The following HMGXB4 variants were observed in gnomAD, a reference collection of about 807,000 sequenced individuals.
HMGXB4 encodes the protein HMG-box containing 4, also known as HMG domain-containing protein 4.
HMGXB4 carries 27 observed loss-of-function variants against 63.9 expected under a neutral mutation model. The observed-to-expected ratio is 0.42, with a 90% CI of 0.31 to 0.58. The LOEUF is 0.58. HMGXB4 is among the 20% of genes least tolerant of loss of function. HMGXB4 has a pLI of 0.13. For synonymous variants in HMGXB4, 264 were observed against 265.3 expected, an observed-to-expected ratio of 0.99 and a Z score of 0.05; for missense variants, 624 against 700.7, an observed-to-expected ratio of 0.89 and a Z score of 1.24.
chr22:35,248,446 A>C, the HMGXB4 span, among the ~76,000 whole-genome samples: 1 of 136,162 alleles, frequency 7.3e-6, no homozygotes, highest in Admixed American at 8.5e-5. Flanking sequence ...TCGCTCCGTC[A>C]CCCAGGCTGA....
At chr22:35,292,756 G>T (rs1294037242) in intron 9 of HMGXB4, among the ~76,000 whole-genome samples, 1 of 152,190 alleles carries the variant, frequency 6.6e-6, no homozygotes, top group African/African-American at 2.4e-5. Context: ...ACTCCCCAAG[G>T]TCACTCAGAA....
intron 1 of HMGXB4, among the ~76,000 whole-genome samples, chr22:35,261,469 T>C (rs928506005): frequency 9.9e-5 from 15 of 151,290 alleles, no homozygotes; most frequent in Middle Eastern, 3.5e-3. Flanking sequence ...TACCTTACAG[T>C]GCATTTTATA....
chr22:35,288,447 A>G (rs762167677), intron 9 of HMGXB4, 40 bp downstream of exon 9: 1 of 1,454,588 alleles, frequency 6.9e-7, no homozygotes, highest in Non-Finnish European at 9.2e-7. Context: ...AGTTTCCCAT[A>G]TAGTTTCCCA....
At chr22:35,245,262 A>G in the HMGXB4 span, among the ~76,000 whole-genome samples, 1 of 146,282 alleles carries the variant, frequency 6.8e-6, no homozygotes, top group Non-Finnish European at 1.5e-5. Context: ...GAGCTCATCC[A>G]TTGGGTTTTT....
intron 6 of HMGXB4, among the ~76,000 whole-genome samples, chr22:35,285,106 C>A (rs1400799167): frequency 6.6e-6 from 1 of 152,124 alleles, no homozygotes; most frequent in African/African-American, 2.4e-5. Context: ...ATTGTGGGAT[C>A]AAATTAAAGA....
At position 35,288,266 on chromosome 22, in the gene HMGXB4, G is replaced by A; in HGVS notation, c.1497G>A (p.Gln499=). The change falls in exon 9 of 11, where the codon CAG becomes CAA. Residue 499 remains glutamine (Q), a synonymous_variant. Transcript: ENST00000216106. ...CTTCTGTAGGAGTACTGTCACCCCA[G>A]AAGAAGTCCCCACCCACCACCATGC... is the stretch of plus-strand genomic sequence containing the variant. The part of the protein sequence containing the change: ...KASSVGVLSP[Q]KKSPPTTMLL... 1 of 1,596,364 alleles carries A rather than the reference G, an allele frequency of 6.3e-7. No homozygotes were observed. Among genetic ancestry groups the A allele is most frequent in the Non-Finnish European group, 8.5e-7 (1 of 1,171,052 alleles).
intron 9 of HMGXB4, among the ~76,000 whole-genome samples, chr22:35,292,417 A>G (rs892169857): frequency 6.6e-6 from 1 of 152,244 alleles, no homozygotes; most frequent in African/African-American, 2.4e-5. Context: ...TAGTTAAAGC[A>G]GATTATACAA....
chr22:35,270,724 G>A (rs1374401928), intron 5 of HMGXB4, among the ~76,000 whole-genome samples: 1 of 152,206 alleles, frequency 6.6e-6, no homozygotes, highest in Admixed American at 6.5e-5. Context: ...GTGGCTAGCA[G>A]TTGCTAGTGA....
chr22:35,293,730 A>G lies in HMGXB4; in HGVS notation c.*79A>G. On this transcript the variant is annotated 3_prime_UTR_variant, in exon 11 of 11. Transcript: ENST00000216106. ...ATATATGACTGTTGCAGATTCCTTC[A>G]GTGGCCTCTGGCTGTAGGTTTTAAA... 2.9e-6 allele frequency: 3 copies of G among 1,039,402 alleles called. No individual in the cohort carries two copies. The highest frequency in any genetic ancestry group is 1.4e-5 in the South Asian group (1 of 72,844). The allele number at this position is 1,039,402 out of a possible 1,614,324, so 64.4% of individuals were successfully genotyped here.
At chr22:35,278,710 G>A (rs1364672369) in intron 5 of HMGXB4, among the ~76,000 whole-genome samples, 1 of 151,224 alleles carries the variant, frequency 6.6e-6, no homozygotes, top group African/African-American at 2.4e-5. Context: ...GTGCAGAGGT[G>A]CAATCCTAGC....
intron 5 of HMGXB4, among the ~76,000 whole-genome samples, chr22:35,270,805 TC>T (rs1363457715): frequency 6.6e-6 from 1 of 152,252 alleles, no homozygotes; most frequent in Non-Finnish European, 1.5e-5. Context: ...GTCCAAAAAA[TC>T]TGAAGTAGTC....
At chr22:35,254,557 C>T (rs935554200), upstream of HMGXB4, among the ~76,000 whole-genome samples, 3 of 152,292 alleles carry the variant, frequency 2.0e-5, no homozygotes, top group Non-Finnish European at 2.9e-5. Context: ...CTGGTACTCT[C>T]GTAGCCAACC....
In HMGXB4 at chr22:35,292,133, A is replaced by T. The variant is rs545530512; in HGVS notation, c.1639-859A>T. On this transcript the variant is annotated intron_variant, in intron 9 of 10. Transcript: ENST00000216106. ...CAGAAATGCAGTTTTGAAGATCAAG[A>T]TGTTGGTAGTAATATTCATAATTAC... Among the ~76,000 whole-genome samples, 9 of 152,356 alleles carry T rather than the reference A, an allele frequency of 5.9e-5. No individual in the cohort carries two copies. The East Asian group carries it at 1.7e-3, about 29-fold the overall frequency.
upstream of HMGXB4, among the ~76,000 whole-genome samples, chr22:35,254,395 G>A (rs1393269418): frequency 2.0e-5 from 3 of 152,226 alleles, no homozygotes; most frequent in African/African-American, 7.2e-5. Flanking sequence ...GCAAGGTACA[G>A]AGGAAGCACT....
chr22:35,263,362 C>T, intron 3 of HMGXB4, 136 bp downstream of exon 3: 2 of 684,194 alleles, frequency 2.9e-6, no homozygotes, highest in South Asian at 4.1e-5. Context: ...CTGCTCACTG[C>T]AACCTTCGAC....
At chr22:35,274,068 G>A (rs191847433) in intron 5 of HMGXB4, among the ~76,000 whole-genome samples, 16 of 152,330 alleles carry the variant, frequency 1.1e-4, no homozygotes, top group Non-Finnish European at 2.1e-4. Context: ...AAGATACAGT[G>A]TCTGCTCTCA....
chr22:35,276,384 A>G (rs941087368), intron 5 of HMGXB4, among the ~76,000 whole-genome samples: 32 of 152,222 alleles, frequency 2.1e-4, no homozygotes, highest in African/African-American at 7.2e-4. Flanking sequence ...CTTAGCTACA[A>G]ACGTCAGAAT....
chr22:35,280,947 T>C (rs1053452991), intron 5 of HMGXB4, among the ~76,000 whole-genome samples: 5 of 152,264 alleles, frequency 3.3e-5, no homozygotes, highest in Non-Finnish European at 5.9e-5. Flanking sequence ...ATGCTTTCCC[T>C]ATAATAGCAC....
At chr22:35,288,667 C>T (rs1281447277) in intron 9 of HMGXB4, among the ~76,000 whole-genome samples, 3 of 152,030 alleles carry the variant, frequency 2.0e-5, no homozygotes, top group Non-Finnish European at 2.9e-5. Context: ...ATTGGAGTAC[C>T]CTGTAACTTA....
Sources: allele counts gnomAD v4.1 joint callset (sites outside exome capture counted in the v4.1 genomes callset), GRCh38; gene constraint gnomAD v4.1.1; transcripts MANE v1.5; gene names NCBI Gene and HGNC (gene_info 2026-07-23, HGNC 2026-07-21).